Variants in PKHD1L1 observed in about 807,000 individuals in gnomAD.
PKHD1L1 encodes PKHD1 like 1.
A neutral mutation model predicts 462.9 loss-of-function variants in PKHD1L1; 434 were observed. The observed-to-expected ratio is 0.94, with a 90% confidence interval of 0.87 to 1.02. The LOEUF is 1.02. PKHD1L1 is among the 50% of genes least tolerant of loss of function. PKHD1L1 has a pLI of 0.00. For synonymous variants in PKHD1L1, 1,781 were observed against 1,750.0 expected (o/e 1.02, Z -0.44); for missense variants, 5,202 against 5,096.1 (o/e 1.02, Z -0.63).
At chr8:109,365,519 G>C (rs1227055755) in intron 2 of PKHD1L1, among the ~76,000 whole-genome samples, 1 of 152,030 alleles carries the variant, frequency 6.6e-6, no homozygotes, top group African/African-American at 2.4e-5. Context: ...ATTTTTTAGA[G>C]TTAAGACCCA....
At chr8:109,453,791 A>C (rs1783164) in intron 43 of PKHD1L1, among the ~76,000 whole-genome samples, 76,081 of 151,968 alleles carry the variant, frequency 0.5, 19,295 homozygotes, top group South Asian at 0.65. Context: ...TGGTTTTTAT[A>C]AACATGCTTT....
At chr8:109,489,378 A>T in intron 59 of PKHD1L1, among the ~76,000 whole-genome samples, 1 of 151,928 alleles carries the variant, frequency 6.6e-6, no homozygotes, top group East Asian at 1.9e-4. Context: ...CACTTGACAA[A>T]GAGCAATCTC....
At position 109,518,298 on chromosome 8, in the gene PKHD1L1, T is replaced by C; in HGVS notation, c.11821T>C (p.Ser3941Pro). ...EIHTATVIFV[S>P]FQLSVATEDD... ...TCACACTGCCACAGTGATATTTGTT[T>C]CTTTCCAATTATCTGTTGCAACAGA... Residue 3941 changes from serine to proline, a missense_variant, in exon 73 of 78, where the codon TCT becomes CCT. This residue lies in a region of PKHD1L1 where 698 missense variants were observed against 736.3 expected (regional missense o/e 0.95). Transcript: ENST00000378402. 6.2e-7 allele frequency: 1 copy of C among 1,612,768 alleles called. No individual in the cohort carries two copies.
intron 27 of PKHD1L1, among the ~76,000 whole-genome samples, chr8:109,432,304 T>C (rs552911327): frequency 2.0e-5 from 3 of 152,316 alleles, no homozygotes; most frequent in African/African-American, 4.8e-5. Context: ...TATTCCATTA[T>C]GGTCAACCCC....
At chr8:109,503,231 GGAGGCGGAGGTTGCA>G (rs1819517730) in intron 67 of PKHD1L1, among the ~76,000 whole-genome samples, 1 of 133,380 alleles carries the variant, frequency 7.5e-6, no homozygotes, top group South Asian at 2.5e-4. Flanking sequence ...CTTGAACCCA[GGAGGCGGAGGTTGCA>G]AGGAGCCATG....
intron 13 of PKHD1L1, among the ~76,000 whole-genome samples, chr8:109,400,789 G>T (rs1230222259): frequency 4.0e-5 from 6 of 151,794 alleles, no homozygotes; most frequent in Non-Finnish European, 1.5e-5. Context: ...TTTACTTCTG[G>T]TGTTTTATGA....
chr8:109,385,518 GGTTTTTGTTT>G lies in PKHD1L1; in HGVS notation c.476-13_476-4del, dbSNP rs1232672447. On this transcript the variant is annotated splice_polypyrimidine_tract_variant and intron_variant, in intron 5 of 77. Transcript: ENST00000378402. ...ATTTTCTTACACAGAATCTTTTTGGGGTTTTTGTTTGTTTTCAGGTACACTAATAACAATC... is the reference window on the plus strand; with the variant it reads ...ATTTTCTTACACAGAATCTTTTTGGGGTTTTCAGGTACACTAATAACAATC... 2 of 1,497,272 alleles carry G rather than the reference GGTTTTTGTTT, an allele frequency of 1.3e-6. No individual in the cohort carries two copies. Among genetic ancestry groups the G allele is most frequent in the South Asian group, 2.4e-5 (2 of 82,944 alleles). 92.7% of individuals were successfully genotyped at this position (1,497,272 alleles called of 1,614,324 possible).
At chr8:109,524,642 T>C (rs1359120386) in intron 76 of PKHD1L1, among the ~76,000 whole-genome samples, 2 of 152,260 alleles carry the variant, frequency 1.3e-5, no homozygotes, top group African/African-American at 4.8e-5. Flanking sequence ...GGCATTTTAC[T>C]GTGGCAACAA....
Position 109,452,274 on chromosome 8 carries a change from C to T in PKHD1L1, c.6501C>T (p.Ala2167=), listed in dbSNP as rs899629458. 3 of 1,600,564 alleles carry T rather than the reference C, an allele frequency of 1.9e-6. No homozygotes were observed. Among genetic ancestry groups the T allele is most frequent in the Middle Eastern group, 1.7e-4 (1 of 6,034 alleles). Residue 2167 remains alanine (A), a synonymous_variant, in exon 42 of 78, where the codon GCC becomes GCT. Coordinates refer to ENST00000378402, the MANE Select transcript of PKHD1L1 (RefSeq NM_177531.6). ...TCCACATCAGAGGTGTCGGCATGGCCAAACTGGTAATAGTGCTGTTGGGTA... is the reference window on the plus strand; with the variant it reads ...TCCACATCAGAGGTGTCGGCATGGCTAAACTGGTAATAGTGCTGTTGGGTA... ...VCVHIRGVGM[A]KLDNADFLYV...
At chr8:109,428,436 T>A (rs74890891) in intron 25 of PKHD1L1, among the ~76,000 whole-genome samples, 3,760 of 152,150 alleles carry the variant, frequency 0.025, 74 homozygotes, top group Middle Eastern at 0.048. Flanking sequence ...ATGAAATCAT[T>A]TGGGGAAGGA....
At chr8:109,429,871 T>C in intron 26 of PKHD1L1, 61 bp from the exon 27 acceptor site, 1 of 1,070,984 alleles carries the variant, frequency 9.3e-7, no homozygotes. Flanking sequence ...TTAAAACCTA[T>C]TCATATTCTA....
At chr8:109,419,612 T>G (rs1029157880) in intron 22 of PKHD1L1, among the ~76,000 whole-genome samples, 1 of 152,160 alleles carries the variant, frequency 6.6e-6, no homozygotes, top group Non-Finnish European at 1.5e-5. Flanking sequence ...ATGCAACTAC[T>G]GACATTGACA....
In PKHD1L1 at chr8:109,515,094, A is replaced by G. The variant is rs1056174084; in HGVS notation, c.11554-76A>G. On this transcript the variant is annotated intron_variant, in intron 71 of 77. Coordinates refer to ENST00000378402, the MANE Select transcript of PKHD1L1 (RefSeq NM_177531.6). ...TAATAGTTTGCAGAAAGTATACAAT[A>G]TTGAAGGACGGTTTAAGTGCTAAAT... is the stretch of plus-strand genomic sequence containing the variant. The G allele has an allele frequency of 6.7e-6, 8 of 1,189,662 alleles. No individual in the cohort carries two copies. In the African/African-American group the frequency reaches 1.3e-4, roughly 19 times the overall value. 73.7% of individuals were successfully genotyped at this position (1,189,662 alleles called of 1,614,324 possible). A position where few individuals can be genotyped will look rare whatever the true frequency, so the allele number is the denominator to read the frequency against.
At chr8:109,372,614 C>T (rs989831363) in intron 2 of PKHD1L1, among the ~76,000 whole-genome samples, 2 of 152,140 alleles carry the variant, frequency 1.3e-5, no homozygotes, top group Admixed American at 6.6e-5. Flanking sequence ...CAGTTTTTGT[C>T]CATTCAGTGT....
At chr8:109,362,715 T>C in intron 1 of PKHD1L1, 62 bp downstream of exon 1, 1 of 1,517,102 alleles carries the variant, frequency 6.6e-7, no homozygotes, top group Admixed American at 2.0e-5. Context: ...CTACCCCTGC[T>C]CCCGGGGTCC....
intron 35 of PKHD1L1, 50 bp downstream of exon 35, chr8:109,442,245 T>C (rs1223299114): frequency 1.3e-6 from 2 of 1,487,200 alleles, no homozygotes; most frequent in Non-Finnish European, 9.1e-7. Flanking sequence ...TTCCTAAATG[T>C]AATAAAATGA....
intron 21 of PKHD1L1, among the ~76,000 whole-genome samples, chr8:109,414,977 A>C (rs1814062420): frequency 1.0e-5 from 1 of 97,374 alleles, no homozygotes; most frequent in African/African-American, 3.4e-5. Context: ...TATTATTATT[A>C]TTATTATTAT....
At position 109,405,013 on chromosome 8, in the gene PKHD1L1, TG is replaced by T; in HGVS notation, c.1555del (p.Glu519LysfsTer14). On this transcript the variant is annotated frameshift_variant, in exon 16 of 78. Transcript: ENST00000378402. LOFTEE classifies it high-confidence loss of function. ...QEVQVITLEN[W>X]ETTNAINEVQ... is the part of the protein sequence containing the mutation. ...AAAATAGGTTATAACATTGGAAAAC[TG>T]GGAAACAACTAATGCAATTAATGAG... is the stretch of plus-strand genomic sequence containing the variant. The T allele has an allele frequency of 6.6e-7, 1 of 1,507,916 alleles. No homozygotes were observed. Among genetic ancestry groups the T allele is most frequent in the Non-Finnish European group, 8.9e-7 (1 of 1,122,530 alleles). 93.4% of individuals were successfully genotyped at this position (1,507,916 alleles called of 1,614,324 possible). A position where few individuals can be genotyped will look rare whatever the true frequency, so the allele number is the denominator to read the frequency against.
chr8:109,377,331 A>G (rs1426038272), intron 2 of PKHD1L1, among the ~76,000 whole-genome samples: 1 of 152,186 alleles, frequency 6.6e-6, no homozygotes, highest in Non-Finnish European at 1.5e-5. Flanking sequence ...AAAGAGTTAA[A>G]TCTACATCTC....
Sources: allele counts gnomAD v4.1 joint callset (sites outside exome capture counted in the v4.1 genomes callset), GRCh38; gene constraint gnomAD v4.1.1; regional missense constraint gnomAD v4.1.1; transcripts MANE v1.5; gene names NCBI Gene and HGNC (gene_info 2026-07-23, HGNC 2026-07-21).